The following TNRC6B variants were observed in gnomAD, a reference collection of about 807,000 sequenced individuals.
TNRC6B encodes the protein trinucleotide repeat containing adaptor 6B, also known as trinucleotide repeat-containing gene 6B protein.
In TNRC6B, 52 loss-of-function variants were observed where a neutral mutation model predicts 203.6. The ratio of observed to expected loss-of-function variants is 0.26; its 90% confidence interval spans 0.20 to 0.32. The LOEUF (loss-of-function observed/expected upper bound fraction) is 0.32, where lower values mean the gene tolerates loss of function less well. Ranked by LOEUF, TNRC6B falls within the 10% of genes least tolerant of loss-of-function variation. The pLI is 1.00. For synonymous variants in TNRC6B, 838 were observed against 845.7 expected, an observed-to-expected ratio of 0.99 and a Z score of 0.16; for missense variants, 1,923 against 2,286.2, an observed-to-expected ratio of 0.84 and a Z score of 3.24.
chr22:40,209,450 G>A (rs1350499554), intron 1 of TNRC6B, among the ~76,000 whole-genome samples: 1 of 152,084 alleles, frequency 6.6e-6, no homozygotes, highest in Non-Finnish European at 1.5e-5. Context: ...CTAGATTCAC[G>A]CCTCATCTCT....
At chr22:40,319,271 TAAA>T (rs574303341) in intron 21 of TNRC6B, among the ~76,000 whole-genome samples, 8 of 142,412 alleles carry the variant, frequency 5.6e-5, no homozygotes, top group African/African-American at 1.5e-4. Context: ...TCTCTGAATT[TAAA>T]AAAAAAAAAG....
rs1223309333 is a variant in TNRC6B at position 40,332,384 on chromosome 22, C to A, written c.*9143C>A. On this transcript the variant is annotated 3_prime_UTR_variant, in exon 23 of 23. Transcript: ENST00000454349. Reference sequence around the variant, plus strand: ...TGCGAGGTGTTTTGACAGGGGAGGTCTGCATGCAGCCTCTTCTTTGTCCTA... The same window carrying A: ...TGCGAGGTGTTTTGACAGGGGAGGTATGCATGCAGCCTCTTCTTTGTCCTA... The A allele has an allele frequency of 6.6e-6, 1 of 152,638 alleles. No homozygotes were observed. Among genetic ancestry groups the A allele is most frequent in the Non-Finnish European group, 1.5e-5 (1 of 68,046 alleles). 9.5% of individuals were successfully genotyped at this position (152,638 alleles called of 1,614,324 possible). A position where few individuals can be genotyped will look rare whatever the true frequency, so the allele number is the denominator to read the frequency against.
At chr22:40,083,912 A>G (rs2068081145) in intron 1 of TNRC6B, among the ~76,000 whole-genome samples, 1 of 152,176 alleles carries the variant, frequency 6.6e-6, no homozygotes, top group African/African-American at 2.4e-5. Context: ...AAAATAAGTA[A>G]GAAATAGCCT....
At chr22:40,304,812 A>C (rs748971854) in intron 15 of TNRC6B, among the ~76,000 whole-genome samples, 3 of 152,244 alleles carry the variant, frequency 2.0e-5, no homozygotes, top group Non-Finnish European at 4.4e-5. Flanking sequence ...AGTAAAGCTG[A>C]ATAAATATTG....
In TNRC6B at chr22:40,335,669, AGTTTT is replaced by A. The variant is rs2044025231; in HGVS notation, c.*12429_*12433del. ...AAACAGCTTATTTTTGTTTTTGTTT[AGTTTT>A]TTTATTTTATTTTATTTTGGAAAGA... On this transcript the variant is annotated 3_prime_UTR_variant, in exon 23 of 23. Coordinates refer to ENST00000454349, the MANE Select transcript of TNRC6B (RefSeq NM_001162501.2). 1 of 147,886 alleles carries A rather than the reference AGTTTT, an allele frequency of 6.8e-6. No individual in the cohort carries two copies. Among genetic ancestry groups the A allele is most frequent in the Non-Finnish European group, 1.5e-5 (1 of 67,112 alleles). The allele number at this position is 147,886 out of a possible 1,614,324, so 9.2% of individuals were successfully genotyped here. A position where few individuals can be genotyped will look rare whatever the true frequency, so the allele number is the denominator to read the frequency against.
chr22:40,160,111 C>T lies in TNRC6B; in HGVS notation c.113+3929C>T, dbSNP rs73165045. Among the ~76,000 whole-genome samples, 21 of 152,174 alleles carry T rather than the reference C, an allele frequency of 1.4e-4. No individual in the cohort carries two copies. In the East Asian group the frequency reaches 1.7e-3, roughly 13 times the overall value. On this transcript the variant is annotated intron_variant, in intron 4 of 23. Transcript: ENST00000301923. ...GATTACAGGCATGAACCTCCTTGAGCGGCCTATTTCATTCTTTTAAACGTC... is the reference window on the plus strand; with the variant it reads ...GATTACAGGCATGAACCTCCTTGAGTGGCCTATTTCATTCTTTTAAACGTC...
At position 40,323,072 on chromosome 22, in the gene TNRC6B, G is replaced by A; in HGVS notation, c.5333G>A (p.Ser1778Asn). 6.2e-7 allele frequency: 1 copy of A among 1,604,616 alleles called. No individual in the cohort carries two copies. The highest frequency in any genetic ancestry group is 8.5e-7 in the Non-Finnish European group (1 of 1,175,154). ...ACTGGGCTCGGGCAGTGGAGCAGCAGCGCTGGTGGCAGCAGCGGGGCCGAT... is the reference window on the plus strand; with the variant it reads ...ACTGGGCTCGGGCAGTGGAGCAGCAACGCTGGTGGCAGCAGCGGGGCCGAT... ...GSTGLGQWSSSAGGSSGADLA... is the reference protein window; with the variant it reads ...GSTGLGQWSSNAGGSSGADLA... Residue 1778 changes from serine (S) to asparagine (N), a missense_variant, in exon 23 of 23, where the codon AGC becomes AAC. Ser to Asn is a conservative substitution (Grantham distance 46). Coordinates refer to ENST00000454349, the MANE Select transcript of TNRC6B (RefSeq NM_001162501.2).
At chr22:40,319,968 T>C (rs2071313746) in intron 21 of TNRC6B, among the ~76,000 whole-genome samples, 1 of 152,208 alleles carries the variant, frequency 6.6e-6, no homozygotes, top group Non-Finnish European at 1.5e-5. Flanking sequence ...TTGTGGCATA[T>C]GCTGACATGC....
chr22:40,329,212 C>G lies in TNRC6B; in HGVS notation c.*5971C>G, dbSNP rs2071438294. 1 of 152,216 alleles carries G rather than the reference C, an allele frequency of 6.6e-6. No homozygotes were observed. The highest frequency in any genetic ancestry group is 2.4e-5 in the African/African-American group (1 of 41,438). The allele number at this position is 152,216 out of a possible 1,614,324, so 9.4% of individuals were successfully genotyped here. Reference sequence around the variant, plus strand: ...GGGAACTCACAAACCCTGCTGCGCACTACATTTACTTCTTTATCTGCAAGT... The same window carrying G: ...GGGAACTCACAAACCCTGCTGCGCAGTACATTTACTTCTTTATCTGCAAGT... On this transcript the variant is annotated 3_prime_UTR_variant, in exon 23 of 23. Coordinates refer to ENST00000454349, the MANE Select transcript of TNRC6B (RefSeq NM_001162501.2).
chr22:40,120,138 G>C (rs929617342), intron 2 of TNRC6B, among the ~76,000 whole-genome samples: 1 of 152,058 alleles, frequency 6.6e-6, no homozygotes, highest in Non-Finnish European at 1.5e-5. Flanking sequence ...CAGGTGGATT[G>C]CTTGAGCTCA....
chr22:40,080,074 C>T lies in TNRC6B; in HGVS notation c.-121+35076C>T, dbSNP rs571023803. ...CCTCCCAAAGTGTTGGGATTACAGA[C>T]GTGAGCCACCGTGCCTGGCCTTTTT... On this transcript the variant is annotated intron_variant, in intron 1 of 23. Coordinates refer to the TNRC6B transcript ENST00000301923. Among the ~76,000 whole-genome samples, 61 of 149,510 alleles carry T rather than the reference C, an allele frequency of 4.1e-4. 1 individual carries two copies. Among genetic ancestry groups the T allele is most frequent in the African/African-American group, 1.3e-3 (51 of 40,408 alleles).
chr22:40,169,849 CAT>C (rs1417934655), intron 4 of TNRC6B, among the ~76,000 whole-genome samples: 1 of 152,166 alleles, frequency 6.6e-6, no homozygotes, highest in Non-Finnish European at 1.5e-5. Context: ...AATACGTAGA[CAT>C]ATCCCATATT....
chr22:40,306,067 C>T (rs1374770467), intron 15 of TNRC6B, among the ~76,000 whole-genome samples: 3 of 152,082 alleles, frequency 2.0e-5, no homozygotes, highest in Non-Finnish European at 2.9e-5. Context: ...CCGAGGCGGG[C>T]GGCTCACAAG....
At chr22:40,122,686 CCTTT>C (rs2068456386) in intron 2 of TNRC6B, among the ~76,000 whole-genome samples, 1 of 152,112 alleles carries the variant, frequency 6.6e-6, no homozygotes, top group African/African-American at 2.4e-5. Flanking sequence ...GAAGCATTCC[CCTTT>C]CACAGCATGT....
chr22:40,270,043 TC>T, intron 5 of TNRC6B, 78 bp from the exon 6 acceptor site: 2 of 1,421,944 alleles, frequency 1.4e-6, no homozygotes, highest in South Asian at 1.3e-5. Context: ...GCATGCCTGT[TC>T]CTTCCACCTT....
At chr22:40,259,132 A>G (rs2070333300) in intron 3 of TNRC6B, among the ~76,000 whole-genome samples, 2 of 152,240 alleles carry the variant, frequency 1.3e-5, no homozygotes, top group African/African-American at 2.4e-5. Flanking sequence ...AGTAACAGAT[A>G]GAAAATTAAT....
intron 11 of TNRC6B, among the ~76,000 whole-genome samples, chr22:40,283,601 A>G (rs896659255): frequency 5.9e-5 from 9 of 152,188 alleles, no homozygotes; most frequent in Admixed American, 3.3e-4. Flanking sequence ...CAGCTTCCAT[A>G]TTAAGTTACA....
chr22:40,105,399 A>G (rs1269147572), intron 1 of TNRC6B, among the ~76,000 whole-genome samples: 2 of 152,206 alleles, frequency 1.3e-5, no homozygotes, highest in Non-Finnish European at 2.9e-5. Context: ...ATAGCGGCCC[A>G]ACAGCCCCTT....
At chr22:40,099,605 C>T (rs2068216264) in intron 1 of TNRC6B, among the ~76,000 whole-genome samples, 1 of 152,112 alleles carries the variant, frequency 6.6e-6, no homozygotes, top group Admixed American at 6.5e-5. Flanking sequence ...TAATACAGTA[C>T]AACAGCTGCT....
Sources: gnomAD v4.1 joint callset for allele counts (sites outside exome capture counted in the v4.1 genomes callset) on GRCh38, gnomAD v4.1.1 for gene constraint, MANE v1.5 for transcripts, NCBI Gene and HGNC (gene_info 2026-07-23, HGNC 2026-07-21) for gene names.